The following ARHGAP6 variants were observed in gnomAD, a reference collection of about 807,000 sequenced individuals.
ARHGAP6 encodes rho GTPase-activating protein 6.
Under a neutral mutation model 55.7 loss-of-function variants are expected in ARHGAP6, and 16 were observed. That is an observed-to-expected ratio of 0.29 (90% CI 0.19 to 0.44). ARHGAP6 has a LOEUF of 0.44. ARHGAP6 is among the 20% of genes least tolerant of loss of function. The pLI is 1.00. For missense variants in ARHGAP6, 698 were observed against 808.9 expected (o/e 0.86, Z 1.66); for synonymous variants, 382 against 360.9 (o/e 1.06, Z -0.66).
intron 1 of ARHGAP6, among the ~76,000 whole-genome samples, chrX:11,551,475 C>T (rs929569700): frequency 1.8e-5 from 2 of 111,249 alleles, no homozygotes; most frequent in Non-Finnish European, 3.8e-5. Flanking sequence ...AATAATGCTG[C>T]AATGAACACT....
intron 1 of ARHGAP6, among the ~76,000 whole-genome samples, chrX:11,425,459 G>A (rs754115012): frequency 1.8e-5 from 2 of 112,252 alleles, no homozygotes; most frequent in African/African-American, 6.5e-5. Flanking sequence ...CTCTGGACAC[G>A]TGACTGATTC....
intron 1 of ARHGAP6, among the ~76,000 whole-genome samples, chrX:11,637,302 A>G (rs2052429283): frequency 1.8e-5 from 2 of 111,341 alleles, no homozygotes; most frequent in African/African-American, 6.5e-5. Flanking sequence ...AAGAGAGTTG[A>G]AATGGCCAAG....
At chrX:11,379,021 G>A (rs1021014296) in intron 1 of ARHGAP6, among the ~76,000 whole-genome samples, 15 of 111,931 alleles carry the variant, frequency 1.3e-4, no homozygotes, top group Non-Finnish European at 2.1e-4. Flanking sequence ...TAACCTACTC[G>A]GAAGCTGGAG....
At chrX:11,350,683 A>G (rs2147669911) in intron 1 of ARHGAP6, among the ~76,000 whole-genome samples, 1 of 112,511 alleles carries the variant, frequency 8.9e-6, no homozygotes, top group South Asian at 3.6e-4. Flanking sequence ...GTGAATCATG[A>G]AAAAAGAAAG....
intron 1 of ARHGAP6, among the ~76,000 whole-genome samples, chrX:11,606,225 G>C (rs999889887): frequency 8.9e-6 from 1 of 111,939 alleles, no homozygotes; most frequent in Non-Finnish European, 1.9e-5. Context: ...ACTTGGACTG[G>C]ATAGGAAGTG....
At chrX:11,171,014 G>A (rs2046083108) in intron 8 of ARHGAP6, among the ~76,000 whole-genome samples, 2 of 111,191 alleles carry the variant, frequency 1.8e-5, no homozygotes, top group African/African-American at 6.6e-5. Context: ...TCAGTGGTGT[G>A]GCAGGAATGA....
intron 1 of ARHGAP6, chrX:11,266,064 TGTGTGTGTGAGAGA>T (rs750120156): frequency 7.7e-5 from 32 of 414,402 alleles, no homozygotes; most frequent in South Asian, 1.7e-4. Context: ...TGTGTGTGTG[TGTGTGTGTGAGAGA>T]GAGAGAGAGA....
intron 1 of ARHGAP6, among the ~76,000 whole-genome samples, chrX:11,436,298 T>C (rs1414471675): frequency 1.8e-5 from 2 of 112,700 alleles, no homozygotes; most frequent in African/African-American, 6.4e-5. Flanking sequence ...AGTTTGCATT[T>C]CTGTAAGTCC....
At chrX:11,216,717 TTTC>T (rs112426353) in intron 2 of ARHGAP6, among the ~76,000 whole-genome samples, 9 of 110,882 alleles carry the variant, frequency 8.1e-5, no homozygotes, top group Non-Finnish European at 1.7e-4. Flanking sequence ...ATGTAACTTT[TTTC>T]TTTTTTTATT....
chrX:11,150,166 C>T (rs1268853182), intron 10 of ARHGAP6, among the ~76,000 whole-genome samples: 1 of 111,091 alleles, frequency 9.0e-6, no homozygotes, highest in Non-Finnish European at 1.9e-5. Flanking sequence ...CTGGGGAGCC[C>T]CTGAGGTTTG....
intron 1 of ARHGAP6, among the ~76,000 whole-genome samples, chrX:11,520,125 T>C (rs2050897868): frequency 3.9e-5 from 2 of 51,753 alleles, no homozygotes; most frequent in Non-Finnish European, 7.1e-5. Context: ...AGTTAGAGAA[T>C]TGATTTTATA....
intron 1 of ARHGAP6, among the ~76,000 whole-genome samples, chrX:11,409,320 T>TG (rs2049651688): frequency 1.8e-5 from 2 of 110,343 alleles, no homozygotes; most frequent in African/African-American, 3.3e-5. Context: ...AGAAATGGGG[T>TG]GGGGGGTTGT....
intron 1 of ARHGAP6, among the ~76,000 whole-genome samples, chrX:11,273,321 G>C (rs2047714345): frequency 9.1e-6 from 1 of 109,585 alleles, no homozygotes; most frequent in South Asian, 3.9e-4. Context: ...ATTTTAATGA[G>C]TCATTTTTCT....
intron 1 of ARHGAP6, among the ~76,000 whole-genome samples, chrX:11,622,042 C>G (rs1246972464): frequency 9.0e-6 from 1 of 111,676 alleles, no homozygotes; most frequent in Non-Finnish European, 1.9e-5. Context: ...CCAGAGAAAC[C>G]ATCATGCAAT....
intron 1 of ARHGAP6, among the ~76,000 whole-genome samples, chrX:11,462,444 G>A (rs1231427842): frequency 8.9e-6 from 1 of 112,144 alleles, no homozygotes; most frequent in Non-Finnish European, 1.9e-5. Flanking sequence ...TAGTAATGGC[G>A]TCCTTGTGTT....
At chrX:11,513,914 C>A (rs1489167026) in intron 1 of ARHGAP6, among the ~76,000 whole-genome samples, 3 of 110,361 alleles carry the variant, frequency 2.7e-5, no homozygotes, top group African/African-American at 9.9e-5. Flanking sequence ...ATAATCCCAG[C>A]ATTTTGGGAG....
At chrX:11,207,386 G>A (rs768054474) in intron 2 of ARHGAP6, among the ~76,000 whole-genome samples, 2 of 111,515 alleles carry the variant, frequency 1.8e-5, no homozygotes, top group Non-Finnish European at 3.8e-5. Context: ...AACTTGGTGT[G>A]CTCTAAATTG....
intron 1 of ARHGAP6, among the ~76,000 whole-genome samples, chrX:11,400,054 T>C (rs1253698352): frequency 1.8e-5 from 2 of 111,916 alleles, no homozygotes; most frequent in Non-Finnish European, 3.8e-5. Context: ...AATTAGTAGT[T>C]GCCAGAGGTG....
intron 1 of ARHGAP6, among the ~76,000 whole-genome samples, chrX:11,342,203 C>A (rs1411437894): frequency 8.9e-6 from 1 of 111,796 alleles, no homozygotes; most frequent in Non-Finnish European, 1.9e-5. Context: ...ATTTTTTAAT[C>A]CTTAGATTTT....
Sources: allele counts gnomAD v4.1 joint callset (sites outside exome capture counted in the v4.1 genomes callset), GRCh38; gene constraint gnomAD v4.1.1; transcripts MANE v1.5; gene names NCBI Gene and HGNC (gene_info 2026-07-23, HGNC 2026-07-21).